Variants in RBPJ observed in about 807,000 individuals in gnomAD.
The protein encoded by RBPJ is recombining binding protein suppressor of hairless.
In RBPJ, 9 loss-of-function variants were observed where a neutral mutation model predicts 67.8. The ratio of observed to expected loss-of-function variants is 0.13; its 90% confidence interval spans 0.08 to 0.23. The LOEUF (loss-of-function observed/expected upper bound fraction) is 0.23. Among genes scored for constraint, RBPJ ranks in the 10% least tolerant of loss-of-function variants. The pLI is 1.00. For missense variants in RBPJ, 305 were observed against 595.6 expected (o/e 0.51, Z 5.08); for synonymous variants, 198 against 203.3 (o/e 0.97, Z 0.22).
At chr4:26,398,674 C>T (rs139157560) in intron 2 of RBPJ, among the ~76,000 whole-genome samples, 63 of 152,266 alleles carry the variant, frequency 4.1e-4, no homozygotes, top group African/African-American at 1.3e-3. Flanking sequence ...AGTGCAGTGA[C>T]GTAATCTCAG....
At chr4:26,146,268 A>C in the RBPJ span, among the ~76,000 whole-genome samples, 1 of 152,196 alleles carries the variant, frequency 6.6e-6, no homozygotes, top group Admixed American at 6.5e-5. Flanking sequence ...ATTTTCAACA[A>C]AAGTGCCAAC....
At chr4:26,392,733 T>C (rs1731643337) in intron 2 of RBPJ, among the ~76,000 whole-genome samples, 1 of 152,142 alleles carries the variant, frequency 6.6e-6, no homozygotes, top group South Asian at 2.1e-4. Context: ...TATTTTGATT[T>C]TGGTGATGGT....
chr4:26,188,620 A>G (rs1377860000), intron 1 of RBPJ, among the ~76,000 whole-genome samples: 2 of 152,216 alleles, frequency 1.3e-5, no homozygotes, highest in Non-Finnish European at 2.9e-5. Context: ...AAATTTTGTC[A>G]AAATCTTGGA....
intron 1 of RBPJ, among the ~76,000 whole-genome samples, chr4:26,276,711 C>G (rs1354716003): frequency 6.6e-6 from 1 of 152,158 alleles, no homozygotes; most frequent in Non-Finnish European, 1.5e-5. Flanking sequence ...CTTCTCTTTT[C>G]TTCACCATGA....
chr4:26,346,523 C>T (rs1350416535), intron 1 of RBPJ, among the ~76,000 whole-genome samples: 5 of 152,124 alleles, frequency 3.3e-5, no homozygotes, highest in Non-Finnish European at 5.9e-5. Flanking sequence ...ATGATTGGCA[C>T]AACTGCTGAC....
At chr4:26,343,739 C>CTT (rs71186404) in intron 1 of RBPJ, among the ~76,000 whole-genome samples, 693 of 55,826 alleles carry the variant, frequency 0.012, 77 homozygotes, top group African/African-American at 0.044. Context: ...TTTCTTTCTT[C>CTT]TTTTTTTTTT....
intron 1 of RBPJ, among the ~76,000 whole-genome samples, chr4:26,242,388 A>G (rs1253495065): frequency 2.0e-5 from 3 of 151,244 alleles, no homozygotes; most frequent in African/African-American, 7.3e-5. Context: ...TGGAACTTGC[A>G]GTGACAGGAG....
chr4:26,356,840 T>G (rs1201648801), intron 1 of RBPJ, among the ~76,000 whole-genome samples: 1 of 152,246 alleles, frequency 6.6e-6, no homozygotes, highest in South Asian at 2.1e-4. Context: ...TGCAAAGATA[T>G]GTGCAGTTAT....
the RBPJ span, among the ~76,000 whole-genome samples, chr4:26,119,795 A>T: frequency 1.2e-3 from 177 of 152,362 alleles, no homozygotes; most frequent in African/African-American, 4.2e-3. Flanking sequence ...ACAAAGCAGA[A>T]CATAAATATA....
At chr4:26,418,055 ACT>A (rs1734763702) in intron 4 of RBPJ, among the ~76,000 whole-genome samples, 1 of 151,874 alleles carries the variant, frequency 6.6e-6, no homozygotes, top group Admixed American at 6.6e-5. Flanking sequence ...CTTAGTTAAC[ACT>A]CTTGTGTTTT....
At chr4:26,249,933 C>T (rs1484962453) in intron 1 of RBPJ, among the ~76,000 whole-genome samples, 1 of 150,678 alleles carries the variant, frequency 6.6e-6, no homozygotes, top group African/African-American at 2.4e-5. Flanking sequence ...TTACAGGCAT[C>T]TGCCACCATG....
chr4:26,211,637 CGGTGGG>C (rs1718425257), intron 1 of RBPJ, among the ~76,000 whole-genome samples: 2 of 152,118 alleles, frequency 1.3e-5, no homozygotes, highest in Admixed American at 6.6e-5. Context: ...GTGGATACAG[CGGTGGG>C]AACATGAGGG....
At chr4:26,257,851 G>A (rs532460334) in intron 1 of RBPJ, among the ~76,000 whole-genome samples, 2 of 152,150 alleles carry the variant, frequency 1.3e-5, no homozygotes, top group Non-Finnish European at 2.9e-5. Context: ...ATGGTCCTGG[G>A]GCCATCTGTA....
chr4:26,271,185 T>G (rs990498740), intron 1 of RBPJ, among the ~76,000 whole-genome samples: 2 of 152,142 alleles, frequency 1.3e-5, no homozygotes, highest in Non-Finnish European at 2.9e-5. Flanking sequence ...GAACTACAGA[T>G]GCATGCCACC....
rs181608214 is a variant in RBPJ at position 26,392,051 on chromosome 4, C to T, written c.59+5660C>T. 4.2e-3 allele frequency among the ~76,000 whole-genome samples: 638 copies of T among 152,280 alleles called. 4 individuals carry two copies. The highest frequency in any genetic ancestry group is 0.015 in the African/African-American group (616 of 41,558). ...CTTGAAGGCTCCATCCTCATGACCT[C>T]ATCACCTCCCAGATGCCCCACCTCC... On this transcript the variant is annotated intron_variant, in intron 2 of 10. Coordinates refer to ENST00000355476, the MANE Select transcript of RBPJ (RefSeq NM_015874.6).
chr4:26,282,367 T>C (rs1487261264), intron 1 of RBPJ, among the ~76,000 whole-genome samples: 2 of 152,092 alleles, frequency 1.3e-5, no homozygotes, highest in Non-Finnish European at 2.9e-5. Context: ...TAGCATTAAA[T>C]ATGGGAACAT....
At chr4:26,116,160 T>A in the RBPJ span, among the ~76,000 whole-genome samples, 1 of 152,256 alleles carries the variant, frequency 6.6e-6, no homozygotes, top group Non-Finnish European at 1.5e-5. Context: ...CTATCAGCAC[T>A]GAAAATGCAC....
At chr4:26,248,790 G>C (rs1334293853) in intron 1 of RBPJ, among the ~76,000 whole-genome samples, 2 of 152,284 alleles carry the variant, frequency 1.3e-5, no homozygotes, top group South Asian at 4.1e-4. Flanking sequence ...GTCAGATTAA[G>C]AGTTCAAATA....
chr4:26,162,225 A>AG (rs1469166182), upstream of RBPJ, among the ~76,000 whole-genome samples: 1 of 152,234 alleles, frequency 6.6e-6, no homozygotes, highest in Non-Finnish European at 1.5e-5. Flanking sequence ...CCTGGAACAC[A>AG]GGGTGGTCAC....
Sources: allele counts gnomAD v4.1 joint callset (sites outside exome capture counted in the v4.1 genomes callset), GRCh38; gene constraint gnomAD v4.1.1; transcripts MANE v1.5; gene names NCBI Gene and HGNC (gene_info 2026-07-23, HGNC 2026-07-21).